EVC2: variants seen among roughly 807,000 people sequenced by gnomAD.
EVC2 encodes EvC ciliary complex subunit 2.
EVC2 carries 148 observed loss-of-function variants against 149.3 expected under a neutral mutation model. That is an observed-to-expected ratio of 0.99 (90% CI 0.87 to 1.14). The LOEUF (loss-of-function observed/expected upper bound fraction) is 1.14, where lower values mean the gene tolerates loss of function less well. EVC2 is among the 50% of genes most tolerant of loss of function. The pLI is 0.00. For missense variants in EVC2, 1,854 were observed against 1,627.3 expected, an observed-to-expected ratio of 1.14 and a Z score of -2.40; for synonymous variants, 776 against 649.9, an observed-to-expected ratio of 1.19 and a Z score of -2.95.
Position 5,625,694 on chromosome 4 carries a change from G to A in EVC2, c.2046+55C>T. Reference sequence around the variant, plus strand: ...ATGTCTGGCACAGTACCTGGCACTTGATGGGTATCAGAAAGTGCCTATGCA... The same window carrying A: ...ATGTCTGGCACAGTACCTGGCACTTAATGGGTATCAGAAAGTGCCTATGCA... On this transcript the variant is annotated intron_variant, in intron 13 of 21. Transcript: ENST00000344408. This position sits in a 1 kb window ranked among gnomAD's most constrained non-coding sequence, Gnocchi z 4.0. 3 of 1,606,262 alleles carry A rather than the reference G, an allele frequency of 1.9e-6. No individual in the cohort carries two copies. The highest frequency in any genetic ancestry group is 2.6e-6 in the Non-Finnish European group (3 of 1,174,150).
intron 21 of EVC2, among the ~76,000 whole-genome samples, chr4:5,546,186 C>T (rs1164652709): frequency 6.6e-6 from 1 of 152,148 alleles, no homozygotes; most frequent in Admixed American, 6.5e-5. Flanking sequence ...ACTAGACATA[C>T]CATTTGACCC....
At position 5,688,608 on chromosome 4, in the gene EVC2, G is replaced by A. The variant is rs189860919; in HGVS notation, c.706+549C>T. Among the ~76,000 whole-genome samples the A allele has an allele frequency of 1.4e-4, 21 of 152,286 alleles. No homozygotes were observed. In the East Asian group the frequency reaches 4.1e-3, roughly 29 times the overall value. On this transcript the variant is annotated intron_variant, in intron 5 of 21. Coordinates refer to ENST00000344408, the MANE Select transcript of EVC2 (RefSeq NM_147127.5). ...AGCCCACCTCAGGAAACGAACCTCT[G>A]AAAGCCAACCAGTGAGGGTGGCAGA...
intron 20 of EVC2, 76 bp downstream of exon 20, chr4:5,568,368 C>G: frequency 7.0e-7 from 1 of 1,427,538 alleles, no homozygotes; most frequent in Non-Finnish European, 9.4e-7. Context: ...CATGGGCCTC[C>G]CATGACCTTG....
chr4:5,617,424 A>G (rs903042591), intron 15 of EVC2, among the ~76,000 whole-genome samples: 4 of 152,192 alleles, frequency 2.6e-5, no homozygotes, highest in African/African-American at 9.7e-5. Context: ...AGAAGCCCCG[A>G]TGTTTTGCAC....
At chr4:5,587,179 T>C (rs1577121854) in intron 16 of EVC2, among the ~76,000 whole-genome samples, 1 of 152,192 alleles carries the variant, frequency 6.6e-6, no homozygotes, top group East Asian at 1.9e-4. Flanking sequence ...CATTTAGGAT[T>C]CAGTAGCCCC....
intron 16 of EVC2, among the ~76,000 whole-genome samples, chr4:5,589,658 T>A (rs900545575): frequency 6.9e-6 from 1 of 145,274 alleles, no homozygotes; most frequent in Non-Finnish European, 1.5e-5. Context: ...ACGGGGTGAA[T>A]TCCTTTATTT....
chr4:5,582,130 T>C (rs940852949), intron 17 of EVC2, among the ~76,000 whole-genome samples: 1 of 152,020 alleles, frequency 6.6e-6, no homozygotes, highest in Non-Finnish European at 1.5e-5. Flanking sequence ...CCACACAGAG[T>C]CCCCATTGAG....
intron 9 of EVC2, among the ~76,000 whole-genome samples, chr4:5,650,671 AGC>A (rs1718072813): frequency 2.0e-5 from 2 of 102,458 alleles, no homozygotes; most frequent in Non-Finnish European, 3.9e-5. Context: ...AGAGAGAGAG[AGC>A]CATTTAATCA....
intron 13 of EVC2, among the ~76,000 whole-genome samples, chr4:5,623,672 A>C (rs910580757): frequency 6.6e-6 from 1 of 152,142 alleles, no homozygotes; most frequent in Non-Finnish European, 1.5e-5. Context: ...AATACGGTAG[A>C]ATCCCTATGT....
At position 5,562,580 on chromosome 4, in the gene EVC2, G is replaced by C; in HGVS notation, c.*268C>G. On this transcript the variant is annotated 3_prime_UTR_variant, in exon 22 of 22. Transcript: ENST00000344408. The surrounding 1 kb of genome is among the most constrained non-coding windows in gnomAD (Gnocchi z 4.3). ...GCAGAGGATGGGGTGTGGATTGCAG[G>C]GTGGGGGTCTCCTCCAGGGCCCTGG... 7.4e-7 allele frequency: 1 copy of C among 1,355,846 alleles called. No individual in the cohort carries two copies. The highest frequency in any genetic ancestry group is 9.5e-7 in the Non-Finnish European group (1 of 1,051,378). The allele number at this position is 1,355,846 out of a possible 1,614,324, so 84.0% of individuals were successfully genotyped here.
At chr4:5,609,312 C>T (rs570973090) in intron 16 of EVC2, among the ~76,000 whole-genome samples, 8 of 152,154 alleles carry the variant, frequency 5.3e-5, no homozygotes, top group Admixed American at 3.9e-4. Flanking sequence ...ATTCACAGAA[C>T]GAGAGCTGTC....
chr4:5,587,299 A>G (rs953456783), intron 16 of EVC2, among the ~76,000 whole-genome samples: 1 of 152,150 alleles, frequency 6.6e-6, no homozygotes, highest in Non-Finnish European at 1.5e-5. Context: ...CTTGGCAACT[A>G]CCAATCTTCT....
rs1485970051 is a variant in EVC2 at position 5,613,846 on chromosome 4, G to A, written c.2829+1576C>T. ...GGTGAGAATAGGGTTGCCACTTCCT[G>A]GATCCCTTAAGACATCAACAACCTG... On this transcript the variant is annotated intron_variant, in intron 16 of 21. Transcript: ENST00000344408. This position sits in a 1 kb window ranked among gnomAD's most constrained non-coding sequence, Gnocchi z 4.6. Among the ~76,000 whole-genome samples the A allele has an allele frequency of 6.6e-6, 1 of 152,102 alleles. No individual in the cohort carries two copies. Among genetic ancestry groups the A allele is most frequent in the Non-Finnish European group, 1.5e-5 (1 of 68,034 alleles).
At chr4:5,638,075 G>T (rs1196264548) in intron 10 of EVC2, among the ~76,000 whole-genome samples, 1 of 152,002 alleles carries the variant, frequency 6.6e-6, no homozygotes, top group South Asian at 2.1e-4. Flanking sequence ...CCCTTATTGA[G>T]CATGTATTAC....
chr4:5,567,980 G>A lies in EVC2; in HGVS notation c.3557+464C>T, dbSNP rs1403071854. Among the ~76,000 whole-genome samples, 2 of 152,218 alleles carry A rather than the reference G, an allele frequency of 1.3e-5. No homozygotes were observed. Among genetic ancestry groups the A allele is most frequent in the African/African-American group, 4.8e-5 (2 of 41,446 alleles). ...TTCTGCTGTAAGATTCTGAAATGCAGAATGTAGCAAGGCTGTATCCACAGC... is the reference window on the plus strand; with the variant it reads ...TTCTGCTGTAAGATTCTGAAATGCAAAATGTAGCAAGGCTGTATCCACAGC... On this transcript the variant is annotated intron_variant, in intron 20 of 21. Transcript: ENST00000344408. This position sits in a 1 kb window ranked among gnomAD's most constrained non-coding sequence, Gnocchi z 4.4.
In EVC2 at chr4:5,670,370, C is replaced by A. The variant is rs1719562458; in HGVS notation, c.871-4721G>T. 6.6e-6 allele frequency among the ~76,000 whole-genome samples: 1 copy of A among 151,942 alleles called. No individual in the cohort carries two copies. Among genetic ancestry groups the A allele is most frequent in the African/African-American group, 2.4e-5 (1 of 41,368 alleles). ...ATGACTGTCACCACCACCATCACCACCATCATTATCAACATCATCAATATC... is the reference window on the plus strand; with the variant it reads ...ATGACTGTCACCACCACCATCACCAACATCATTATCAACATCATCAATATC... On this transcript the variant is annotated intron_variant, in intron 7 of 21. Transcript: ENST00000344408. This position sits in a 1 kb window ranked among gnomAD's most constrained non-coding sequence, Gnocchi z 5.2.
At chr4:5,687,596 G>A (rs545952030) in intron 5 of EVC2, among the ~76,000 whole-genome samples, 42 of 152,258 alleles carry the variant, frequency 2.8e-4, no homozygotes, top group African/African-American at 9.1e-4. Flanking sequence ...CAAGGGACTG[G>A]GTAGGGCTTT....
chr4:5,660,880 T>C (rs4627796), intron 9 of EVC2, among the ~76,000 whole-genome samples: 36,394 of 152,112 alleles, frequency 0.24, 4,690 homozygotes, highest in East Asian at 0.48. Context: ...GGTAAACCTC[T>C]CAGCCTAGCT....
chr4:5,664,197 T>C (rs1014775), intron 8 of EVC2, among the ~76,000 whole-genome samples: 21,238 of 152,052 alleles, frequency 0.14, 1,562 homozygotes, highest in Non-Finnish European at 0.15. Context: ...CTCACAGAAG[T>C]GAAATAACGT....
Sources: gnomAD v4.1 joint callset for allele counts (sites outside exome capture counted in the v4.1 genomes callset) on GRCh38, gnomAD v4.1.1 for gene constraint, Gnocchi (gnomAD v3.1) non-coding constraint, MANE v1.5 for transcripts, NCBI Gene and HGNC (gene_info 2026-07-23, HGNC 2026-07-21) for gene names.